The following FRMD3 variants were observed in gnomAD, a reference collection of about 807,000 sequenced individuals.
FRMD3 encodes FERM domain-containing protein 3.
A neutral mutation model predicts 70.2 loss-of-function variants in FRMD3; 33 were observed. That is an observed-to-expected ratio of 0.47 (90% confidence interval 0.36 to 0.63). FRMD3 has a LOEUF of 0.63. FRMD3 is among the 20% of genes least tolerant of loss of function. The pLI is 0.00. For synonymous variants in FRMD3, 279 were observed against 255.9 expected (o/e 1.09, Z -0.86); for missense variants, 632 against 711.4 (o/e 0.89, Z 1.27).
chr9:83,349,890 G>T, intron 3 of FRMD3, 133 bp from the exon 4 acceptor site: 31 of 533,942 alleles, frequency 5.8e-5, no homozygotes, highest in Non-Finnish European at 7.0e-5. Flanking sequence ...GATTGTTTTG[G>T]AAGAAGCAGA....
the FRMD3 span, among the ~76,000 whole-genome samples, chr9:83,548,730 C>G: frequency 2.0e-5 from 3 of 152,112 alleles, no homozygotes; most frequent in Non-Finnish European, 4.4e-5. Context: ...CTATAGGCTT[C>G]TGTTAATAAT....
At chr9:83,316,201 C>T (rs868197065) in intron 6 of FRMD3, among the ~76,000 whole-genome samples, 2 of 143,252 alleles carry the variant, frequency 1.4e-5, no homozygotes, top group African/African-American at 2.7e-5. Context: ...CTCTATTGCC[C>T]AGGTTGGAGT....
the FRMD3 span, among the ~76,000 whole-genome samples, chr9:83,558,170 A>C: frequency 6.6e-6 from 1 of 152,248 alleles, no homozygotes; most frequent in African/African-American, 2.4e-5. Flanking sequence ...TCTTAGCTTA[A>C]ATACAGTAGC....
At chr9:83,526,935 G>C (rs796378078) in intron 1 of FRMD3, among the ~76,000 whole-genome samples, 1 of 149,348 alleles carries the variant, frequency 6.7e-6, no homozygotes, top group Non-Finnish European at 1.5e-5. Flanking sequence ...CTGCACCTTC[G>C]GGGAGAATCA....
intron 1 of FRMD3, among the ~76,000 whole-genome samples, chr9:83,476,783 G>A (rs532369942): frequency 3.9e-5 from 6 of 152,270 alleles, no homozygotes; most frequent in South Asian, 2.1e-4. Flanking sequence ...CCCTTGAGTC[G>A]TAATCATGTC....
chr9:83,280,979 G>GC (rs1399875955), intron 13 of FRMD3, among the ~76,000 whole-genome samples: 1 of 152,136 alleles, frequency 6.6e-6, no homozygotes, highest in Non-Finnish European at 1.5e-5. Flanking sequence ...GCTGACCAGA[G>GC]CCTCTTCTCT....
At chr9:83,530,512 C>A (rs1026983292) in intron 1 of FRMD3, among the ~76,000 whole-genome samples, 2 of 151,984 alleles carry the variant, frequency 1.3e-5, no homozygotes, top group African/African-American at 4.8e-5. Flanking sequence ...GGTATGACTG[C>A]TAAAGGGCAA....
chr9:83,417,523 G>C (rs574020248), intron 1 of FRMD3, among the ~76,000 whole-genome samples: 19 of 152,086 alleles, frequency 1.2e-4, no homozygotes, highest in Admixed American at 3.9e-4. Context: ...TTCCTATATG[G>C]AAACAGTTCT....
At position 83,538,391 on chromosome 9, in the gene FRMD3, C is replaced by T. The variant is rs145963874; in HGVS notation, c.-160G>A. On this transcript the variant is annotated 5_prime_UTR_variant, in exon 1 of 14. Coordinates refer to ENST00000304195, the MANE Select transcript of FRMD3 (RefSeq NM_174938.6). The surrounding 1 kb of genome is among the most constrained non-coding windows in gnomAD (Gnocchi z 4.7). ...CCTGCGGACACACATGCCCAGCGGC[C>T]GGGGCGCGGCGGGCGGGTCCCTCCC... 4.3e-3 allele frequency: 2,158 copies of T among 506,960 alleles called. 38 individuals carry two copies. The highest frequency in any genetic ancestry group is 0.039 in the African/African-American group (1,975 of 50,182). The allele number at this position is 506,960 out of a possible 1,614,324, so 31.4% of individuals were successfully genotyped here. A position where few individuals can be genotyped will look rare whatever the true frequency, so the allele number is the denominator to read the frequency against.
chr9:83,352,444 A>T (rs1406095241), intron 3 of FRMD3, among the ~76,000 whole-genome samples: 2 of 152,170 alleles, frequency 1.3e-5, no homozygotes, highest in Non-Finnish European at 2.9e-5. Context: ...AGTGACTCAC[A>T]CTTGTTCCAA....
chr9:83,570,132 A>G, the FRMD3 span, among the ~76,000 whole-genome samples: 5 of 152,196 alleles, frequency 3.3e-5, 1 homozygote, highest in Non-Finnish European at 7.3e-5. Context: ...CATTTGACAA[A>G]CATTTACTAA....
intron 1 of FRMD3, among the ~76,000 whole-genome samples, chr9:83,405,640 C>T (rs1258621603): frequency 1.3e-5 from 2 of 151,682 alleles, no homozygotes; most frequent in Non-Finnish European, 2.9e-5. Context: ...CATGGTGGCA[C>T]ATGCCTGTAA....
intron 5 of FRMD3, among the ~76,000 whole-genome samples, chr9:83,341,800 C>T (rs750436303): frequency 1.3e-5 from 2 of 152,078 alleles, no homozygotes; most frequent in Non-Finnish European, 2.9e-5. Context: ...CACACACACC[C>T]ATTTCGGAAT....
the FRMD3 span, among the ~76,000 whole-genome samples, chr9:83,554,079 T>C: frequency 1.3e-5 from 2 of 152,232 alleles, no homozygotes; most frequent in African/African-American, 4.8e-5. Context: ...AGTGGCTTTA[T>C]TTGAAGCTGA....
intron 3 of FRMD3, among the ~76,000 whole-genome samples, chr9:83,368,319 TTTTTA>T (rs4011703): frequency 8.0e-5 from 12 of 149,718 alleles, no homozygotes; most frequent in African/African-American, 2.7e-4. Context: ...GTTAATATAT[TTTTTA>T]TTTTATTTTA....
At chr9:83,446,704 A>C (rs1026906475) in intron 1 of FRMD3, among the ~76,000 whole-genome samples, 3 of 152,000 alleles carry the variant, frequency 2.0e-5, no homozygotes, top group African/African-American at 2.4e-5. Flanking sequence ...ACACGGAAGA[A>C]AAGATGAGAT....
intron 12 of FRMD3, among the ~76,000 whole-genome samples, chr9:83,293,079 A>G (rs2118988455): frequency 6.6e-6 from 1 of 152,284 alleles, no homozygotes; most frequent in South Asian, 2.1e-4. Context: ...GCCAGGAGTG[A>G]TCTCCCAAGG....
intron 1 of FRMD3, among the ~76,000 whole-genome samples, chr9:83,415,266 T>A (rs564990640): frequency 2.6e-5 from 4 of 152,150 alleles, no homozygotes; most frequent in East Asian, 1.9e-4. Context: ...ATGCCATCCA[T>A]CAGGTCAGCC....
intron 10 of FRMD3, among the ~76,000 whole-genome samples, chr9:83,299,871 ACT>A (rs1834834905): frequency 6.6e-6 from 1 of 152,034 alleles, no homozygotes; most frequent in Non-Finnish European, 1.5e-5. Context: ...AAACAACAAC[ACT>A]CTGAAAAGCA....
Sources: allele counts gnomAD v4.1 joint callset (sites outside exome capture counted in the v4.1 genomes callset), GRCh38; gene constraint gnomAD v4.1.1; non-coding constraint Gnocchi (gnomAD v3.1); transcripts MANE v1.5; gene names NCBI Gene and HGNC (gene_info 2026-07-23, HGNC 2026-07-21).